MCF2L: variants seen among roughly 807,000 people sequenced by gnomAD.
The protein encoded by MCF2L is MCF.2 cell line derived transforming sequence like.
A neutral mutation model predicts 153.4 loss-of-function variants in MCF2L; 97 were observed. The ratio of observed to expected loss-of-function variants is 0.63; its 90% CI spans 0.54 to 0.75. The LOEUF (loss-of-function observed/expected upper bound fraction) is 0.75, where lower values mean the gene tolerates loss of function less well. Ranked by LOEUF, MCF2L falls within the 30% of genes least tolerant of loss-of-function variation. MCF2L has a pLI of 0.00. For synonymous variants in MCF2L, 659 were observed against 632.2 expected, an observed-to-expected ratio of 1.04 and a Z score of -0.64; for missense variants, 1,347 against 1,495.2, an observed-to-expected ratio of 0.90 and a Z score of 1.64.
chr13:112,897,272 C>T (rs961415171), intron 1 of MCF2L, among the ~76,000 whole-genome samples: 2 of 152,122 alleles, frequency 1.3e-5, no homozygotes, highest in African/African-American at 4.8e-5. Flanking sequence ...GTATGGCCAC[C>T]GAGAAGCTTT....
chr13:113,033,189 A>ATGTGAGTGGC (rs2085857460), intron 3 of MCF2L, among the ~76,000 whole-genome samples: 23 of 8,766 alleles, frequency 2.6e-3, no homozygotes, highest in East Asian at 0.017. Context: ...ACGTGAGTGG[A>ATGTGAGTGGC]CCCCGTGACG....
In MCF2L at chr13:112,962,706, T is replaced by G. The variant is rs1453445083; in HGVS notation, c.170-52057T>G. On this transcript the variant is annotated intron_variant, in intron 2 of 29. Transcript: ENST00000375608. ...GCTCCCTAGCCGTTCTCCCGGGACC[T>G]CCCCCCAGGCTCTGGGAGGGAAGGC... Among the ~76,000 whole-genome samples the G allele has an allele frequency of 2.0e-5, 3 of 151,950 alleles. No individual in the cohort carries two copies. The East Asian group carries it at 5.8e-4, about 29-fold the overall frequency.
chr13:113,014,969 C>A, intron 2 of MCF2L, 123 bp downstream of exon 2: 1 of 807,616 alleles, frequency 1.2e-6, no homozygotes, highest in Non-Finnish European at 2.1e-6. Context: ...GCTGTGTATT[C>A]ACTGCCTTGG....
chr13:113,091,055 C>G, intron 26 of MCF2L: 3 of 1,296,356 alleles, frequency 2.3e-6, no homozygotes, highest in Non-Finnish European at 3.0e-6. Flanking sequence ...TCAGCCTCCT[C>G]GCCGCCTCCC....
intron 4 of MCF2L, among the ~76,000 whole-genome samples, chr13:113,059,043 C>G (rs1267174484): frequency 1.3e-5 from 2 of 150,928 alleles, no homozygotes; most frequent in African/African-American, 4.9e-5. Flanking sequence ...TGAGGACAGA[C>G]TTGTCAAGGT....
chr13:113,032,981 A>ACG (rs2085824325), intron 3 of MCF2L, among the ~76,000 whole-genome samples: 1 of 145,986 alleles, frequency 6.8e-6, no homozygotes, highest in Non-Finnish European at 1.5e-5. Flanking sequence ...GGACCCTGTG[A>ACG]TGTGAGTGGC....
At chr13:113,042,505 G>C (rs929924411) in intron 3 of MCF2L, 22 of 152,238 alleles carry the variant, frequency 1.4e-4, no homozygotes, top group African/African-American at 3.9e-4. Context: ...GTAACACAAA[G>C]ATTTAAACGT....
intron 1 of MCF2L, among the ~76,000 whole-genome samples, chr13:112,991,843 C>T (rs1043920264): frequency 1.1e-4 from 16 of 152,264 alleles, no homozygotes; most frequent in East Asian, 9.6e-4. Flanking sequence ...CAACCACAGC[C>T]GACTCCACAG....
chr13:112,992,862 A>G (rs1247833401), intron 1 of MCF2L, among the ~76,000 whole-genome samples: 2 of 152,222 alleles, frequency 1.3e-5, no homozygotes, highest in Non-Finnish European at 2.9e-5. Context: ...TGACTTTCAC[A>G]TTATATTTGA....
intron 3 of MCF2L, chr13:113,044,707 G>A (rs781235247): frequency 6.2e-7 from 1 of 1,612,924 alleles, no homozygotes; most frequent in Non-Finnish European, 8.5e-7. Flanking sequence ...CAACGCGCAA[G>A]TGTGGTCTCT....
chr13:112,896,921 G>T (rs2081073458), intron 1 of MCF2L, among the ~76,000 whole-genome samples: 1 of 152,232 alleles, frequency 6.6e-6, no homozygotes, highest in African/African-American at 2.4e-5. Flanking sequence ...GTTCCAACTT[G>T]AGTCATCAGT....
At chr13:112,925,373 C>T (rs1025404549) in intron 2 of MCF2L, among the ~76,000 whole-genome samples, 2 of 152,172 alleles carry the variant, frequency 1.3e-5, no homozygotes, top group African/African-American at 4.8e-5. Flanking sequence ...CGATTCCACC[C>T]TAACTGTGCA....
At chr13:112,901,689 T>G (rs1197731633) in intron 1 of MCF2L, among the ~76,000 whole-genome samples, 1 of 152,258 alleles carries the variant, frequency 6.6e-6, no homozygotes, top group Non-Finnish European at 1.5e-5. Context: ...TCGTGTAAGT[T>G]TCTTTGCCAA....
chr13:113,091,281 C>T (rs1237590353), intron 26 of MCF2L: 1 of 1,173,712 alleles, frequency 8.5e-7, no homozygotes, highest in Non-Finnish European at 1.1e-6. Flanking sequence ...GTCAAGGCCA[C>T]CTAAGGGGGA....
At chr13:113,065,712 T>C (rs1206027228) in intron 7 of MCF2L, among the ~76,000 whole-genome samples, 1 of 152,240 alleles carries the variant, frequency 6.6e-6, no homozygotes, top group Non-Finnish European at 1.5e-5. Flanking sequence ...TGTGCCTCTG[T>C]GCTCACCGGG....
intron 1 of MCF2L, among the ~76,000 whole-genome samples, chr13:112,989,740 A>C (rs551614256): frequency 3.3e-5 from 5 of 152,342 alleles, no homozygotes; most frequent in African/African-American, 9.6e-5. Flanking sequence ...ACCACGCCTG[A>C]GTCCTTCCTG....
rs2081207698 is a variant in MCF2L, at chr13:112,909,435, C to T, written c.169+7064C>T. On this transcript the variant is annotated intron_variant, in intron 2 of 29. Transcript: ENST00000375608. ...TGCAGGGGTTTGGGGCAGGCCTGAG[C>T]ATTCACCCCAGCGTCCTGTGCAAAC... The T allele has an allele frequency of 1.4e-5, 10 of 690,370 alleles. No homozygotes were observed. In the Admixed American group the frequency reaches 2.0e-4, roughly 14 times the overall value. 42.8% of individuals were successfully genotyped at this position (690,370 alleles called of 1,614,324 possible).
intron 26 of MCF2L, chr13:113,090,105 G>A (rs977850348): frequency 2.6e-5 from 40 of 1,549,134 alleles, no homozygotes; most frequent in Non-Finnish European, 3.1e-5. Context: ...AAAGCTCTGC[G>A]CTTTCCAGAA....
chr13:113,081,392 TGA>T (rs936929388), intron 16 of MCF2L, 113 bp downstream of exon 16: 49 of 1,061,166 alleles, frequency 4.6e-5, no homozygotes, highest in Admixed American at 7.1e-5. Flanking sequence ...CAAATGCATG[TGA>T]GAGAGCGCCC....
Sources: allele counts gnomAD v4.1 joint callset (sites outside exome capture counted in the v4.1 genomes callset), GRCh38; gene constraint gnomAD v4.1.1; transcripts MANE v1.5; gene names NCBI Gene and HGNC (gene_info 2026-07-23, HGNC 2026-07-21).